The following AKAP6 variants were observed in gnomAD, a reference collection of about 807,000 sequenced individuals.
The protein encoded by AKAP6 is A-kinase anchor protein 6.
A neutral mutation model predicts 188.5 loss-of-function variants in AKAP6; 58 were observed. The observed-to-expected ratio is 0.31, with a 90% CI of 0.25 to 0.38. AKAP6 has a LOEUF of 0.38. AKAP6 is among the 10% of genes least tolerant of loss of function. The pLI is 1.00. For synonymous variants in AKAP6, 989 were observed against 998.6 expected (o/e 0.99, Z 0.18); for missense variants, 2,710 against 2,740.0 (o/e 0.99, Z 0.24).
chr14:32,807,772 C>T (rs1955477), intron 12 of AKAP6, among the ~76,000 whole-genome samples: 1 of 152,058 alleles, frequency 6.6e-6, no homozygotes, highest in Admixed American at 6.5e-5. Flanking sequence ...TCACTCACCT[C>T]GTGAAATATC....
intron 7 of AKAP6, among the ~76,000 whole-genome samples, chr14:32,660,316 G>A (rs1278494140): frequency 6.6e-6 from 1 of 152,148 alleles, no homozygotes; most frequent in Non-Finnish European, 1.5e-5. Context: ...AGTCACCAAA[G>A]CAGCCTTTCC....
chr14:32,786,296 A>ATTTTTTTTTTT lies in AKAP6; in HGVS notation c.3588+12404_3588+12405insTTTTTTTTTTT. Among the ~76,000 whole-genome samples the ATTTTTTTTTTT allele has an allele frequency of 2.1e-5, 2 of 93,698 alleles. 1 individual carries two copies. Among genetic ancestry groups the ATTTTTTTTTTT allele is most frequent in the Non-Finnish European group, 4.1e-5 (2 of 48,578 alleles). 61.5% of individuals were successfully genotyped at this position (93,698 alleles called of 152,430 possible). ...AGCCCTCTGAAAGACCTAAACCTTT[A>ATTTTTTTTTTT]TCTTTTTTTTTTTTTTTTTTTTTTT... On this transcript the variant is annotated intron_variant, in intron 12 of 13. Transcript: ENST00000280979.
At chr14:32,633,409 G>A (rs574243287) in intron 7 of AKAP6, among the ~76,000 whole-genome samples, 1 of 152,020 alleles carries the variant, frequency 6.6e-6, no homozygotes, top group African/African-American at 2.4e-5. Flanking sequence ...TTGCATTGTT[G>A]TTCCCATGAT....
At chr14:32,610,410 A>G (rs1208520076) in intron 7 of AKAP6, among the ~76,000 whole-genome samples, 1 of 152,050 alleles carries the variant, frequency 6.6e-6, no homozygotes, top group Non-Finnish European at 1.5e-5. Flanking sequence ...CCCTCCATCT[A>G]TACTGCTTTT....
chr14:32,611,270 T>G (rs1417711007), intron 7 of AKAP6, among the ~76,000 whole-genome samples: 1 of 152,154 alleles, frequency 6.6e-6, no homozygotes, highest in Admixed American at 6.5e-5. Flanking sequence ...GGGAAGATAA[T>G]TAACTCTGTT....
intron 2 of AKAP6, among the ~76,000 whole-genome samples, chr14:32,434,342 A>T (rs992151053): frequency 2.0e-5 from 3 of 152,262 alleles, no homozygotes; most frequent in East Asian, 1.9e-4. Context: ...ATGACAACTC[A>T]TCTAAAGTTC....
At chr14:32,744,483 A>C (rs1032224865) in intron 11 of AKAP6, among the ~76,000 whole-genome samples, 1 of 151,780 alleles carries the variant, frequency 6.6e-6, no homozygotes, top group Non-Finnish European at 1.5e-5. Context: ...CACCCAGCCA[A>C]TTCTTTGTAT....
In AKAP6 at chr14:32,433,502, C is replaced by T; in HGVS notation, c.9C>T (p.Thr3=). 6.2e-7 allele frequency: 1 copy of T among 1,613,752 alleles called. No homozygotes were observed. The highest frequency in any genetic ancestry group is 1.1e-5 in the South Asian group (1 of 91,016). Residue 3 remains threonine, a synonymous_variant, in exon 2 of 14, where the codon ACC becomes ACT. Transcript: ENST00000280979. ML[T]MSVTLSPLRS... ...GAGGTTTAGACTTCTCCATGTTAACCATGAGCGTGACACTTTCCCCCCTGA... is the reference window on the plus strand; with the variant it reads ...GAGGTTTAGACTTCTCCATGTTAACTATGAGCGTGACACTTTCCCCCCTGA...
chr14:32,666,502 A>G (rs1888941596), intron 7 of AKAP6, among the ~76,000 whole-genome samples: 1 of 152,040 alleles, frequency 6.6e-6, no homozygotes, highest in African/African-American at 2.4e-5. Flanking sequence ...AAAAATGAAA[A>G]ATGTAATTTA....
chr14:32,662,505 T>C (rs2139580901), intron 7 of AKAP6, among the ~76,000 whole-genome samples: 1 of 152,254 alleles, frequency 6.6e-6, no homozygotes, highest in Non-Finnish European at 1.5e-5. Flanking sequence ...GATTGTCTCC[T>C]CGTGGTGTGT....
intron 12 of AKAP6, among the ~76,000 whole-genome samples, chr14:32,789,683 A>G (rs763097674): frequency 1.3e-5 from 2 of 152,190 alleles, no homozygotes; most frequent in Admixed American, 1.3e-4. Flanking sequence ...GAAAACAACA[A>G]TATCAACAAA....
chr14:32,641,248 G>C (rs1887740359), intron 7 of AKAP6, among the ~76,000 whole-genome samples: 1 of 151,814 alleles, frequency 6.6e-6, no homozygotes, highest in South Asian at 2.1e-4. Flanking sequence ...GAAAGCAAAA[G>C]AAGAATGCAA....
chr14:32,599,044 C>A (rs903967151), intron 5 of AKAP6, among the ~76,000 whole-genome samples: 2 of 152,050 alleles, frequency 1.3e-5, no homozygotes, highest in Non-Finnish European at 2.9e-5. Context: ...TTTATGGTTT[C>A]ATAAATAGTG....
intron 12 of AKAP6, 32 bp downstream of exon 12, chr14:32,773,925 T>C: frequency 6.3e-7 from 1 of 1,594,320 alleles, no homozygotes; most frequent in Non-Finnish European, 8.6e-7. Context: ...CATAATTGTC[T>C]GTCATTTTCT....
intron 9 of AKAP6, among the ~76,000 whole-genome samples, chr14:32,719,333 C>T (rs2030404093): frequency 6.6e-6 from 1 of 152,102 alleles, no homozygotes; most frequent in African/African-American, 2.4e-5. Context: ...TTGGGGAATG[C>T]CCATTTGCAT....
intron 2 of AKAP6, among the ~76,000 whole-genome samples, chr14:32,460,661 A>G (rs1418880759): frequency 6.6e-6 from 1 of 152,232 alleles, no homozygotes; most frequent in Non-Finnish European, 1.5e-5. Flanking sequence ...GCAGACACCA[A>G]GCTAGCTGCA....
intron 9 of AKAP6, among the ~76,000 whole-genome samples, chr14:32,700,642 A>G (rs1187247195): frequency 6.6e-6 from 1 of 152,224 alleles, no homozygotes; most frequent in African/African-American, 2.4e-5. Flanking sequence ...GGTTGCCTAC[A>G]GTATTCAGTA....
At chr14:32,645,975 A>T (rs186400346) in intron 7 of AKAP6, among the ~76,000 whole-genome samples, 1 of 152,274 alleles carries the variant, frequency 6.6e-6, no homozygotes, top group Admixed American at 6.5e-5. Flanking sequence ...ATTGGTTTCA[A>T]GGGCTACCAT....
chr14:32,419,879 TACAAAAACAAAA>T (rs138682278), intron 1 of AKAP6, among the ~76,000 whole-genome samples: 8,581 of 151,508 alleles, frequency 0.057, 297 homozygotes, highest in East Asian at 0.082. Flanking sequence ...TGACATTCTC[TACAAAAACAAAA>T]ACAAAAACAA....
Sources: allele counts gnomAD v4.1 joint callset (sites outside exome capture counted in the v4.1 genomes callset), GRCh38; gene constraint gnomAD v4.1.1; transcripts MANE v1.5; gene names NCBI Gene and HGNC (gene_info 2026-07-23, HGNC 2026-07-21).